RBMS3: variants seen among roughly 807,000 people sequenced by gnomAD.
RBMS3 encodes the protein RNA binding motif single stranded interacting protein 3.
A neutral mutation model predicts 66.8 loss-of-function variants in RBMS3; 27 were observed. The ratio of observed to expected loss-of-function variants is 0.40; its 90% CI spans 0.30 to 0.56. The LOEUF (loss-of-function observed/expected upper bound fraction) is 0.56, where lower values mean the gene tolerates loss of function less well. Among genes scored for constraint, RBMS3 ranks in the 20% least tolerant of loss-of-function variants. The probability of loss-of-function intolerance (pLI) is 0.40; values close to 1 mark genes in which losing one functional copy is unlikely to be tolerated. For missense variants in RBMS3, 513 were observed against 549.5 expected, an observed-to-expected ratio of 0.93 and a Z score of 0.66; for synonymous variants, 188 against 183.0, an observed-to-expected ratio of 1.03 and a Z score of -0.22.
At chr3:29,820,188 C>CAAAAAAAAAAAAAAAAAAAAAAA (rs71091078) in intron 6 of RBMS3, among the ~76,000 whole-genome samples, 4 of 69,828 alleles carry the variant, frequency 5.7e-5, no homozygotes, top group Non-Finnish European at 7.6e-5. Context: ...GACTTCTTCT[C>CAAAAAAAAAAAAAAAAAAAAAAA]AAAAAAAAAA....
At chr3:29,641,281 C>G (rs956125676) in intron 4 of RBMS3, 7 of 151,914 alleles carry the variant, frequency 4.6e-5, no homozygotes, top group Non-Finnish European at 8.8e-5. Flanking sequence ...CACATGCTTT[C>G]CCATTTGTAA....
intron 4 of RBMS3, among the ~76,000 whole-genome samples, chr3:29,631,762 G>T (rs1279689715): frequency 1.3e-5 from 2 of 151,730 alleles, no homozygotes; most frequent in African/African-American, 2.4e-5. Flanking sequence ...AACCTATTTT[G>T]TTCTGTTTGC....
chr3:29,390,108 A>G (rs4491855), intron 1 of RBMS3, among the ~76,000 whole-genome samples: 25,595 of 152,056 alleles, frequency 0.17, 2,281 homozygotes, highest in South Asian at 0.22. Context: ...GAAAAACATC[A>G]AGTTTTGATT....
chr3:29,739,805 C>A lies in RBMS3; in HGVS notation c.485C>A (p.Pro162His), dbSNP rs370392362. Residue 162 changes from proline (P) to histidine (H), a missense_variant, in exon 5 of 15, where the codon CCC (proline) becomes CAC (histidine). By Grantham distance (77) the Pro-to-His change is moderately conservative. Coordinates refer to ENST00000383767, the MANE Select transcript of RBMS3 (RefSeq NM_001003793.3). The stretch of plus-strand genomic sequence containing the variant: ...CAGGAGCTTGAGAATATGCTGAAAC[C>A]CTTTGGACATGTCATTTCCACAAGA... ...DEQELENMLK[P>H]FGHVISTRIL... 1.5e-5 allele frequency: 25 copies of A among 1,613,210 alleles called. No individual in the cohort carries two copies. Among genetic ancestry groups the A allele is most frequent in the Non-Finnish European group, 2.0e-5 (24 of 1,179,570 alleles).
intron 1 of RBMS3, among the ~76,000 whole-genome samples, chr3:29,356,162 C>G (rs2037210968): frequency 6.6e-6 from 1 of 152,122 alleles, no homozygotes; most frequent in Non-Finnish European, 1.5e-5. Flanking sequence ...AAGTTGAATT[C>G]ACAGGTAAGG....
chr3:29,389,385 C>T (rs551198438), intron 1 of RBMS3, among the ~76,000 whole-genome samples: 170 of 152,268 alleles, frequency 1.1e-3, no homozygotes, highest in Non-Finnish European at 1.2e-4. Context: ...CTTGGCTTCT[C>T]TTGGTTTGCT....
chr3:29,668,034 T>G (rs2050837012), intron 4 of RBMS3, among the ~76,000 whole-genome samples: 1 of 152,220 alleles, frequency 6.6e-6, no homozygotes, highest in African/African-American at 2.4e-5. Context: ...TCAATTTCTT[T>G]CATGTCATTC....
In RBMS3 at chr3:29,379,596, C is replaced by G. The variant is rs375406684; in HGVS notation, c.76-55147C>G. On this transcript the variant is annotated intron_variant, in intron 1 of 14. Coordinates refer to ENST00000383767, the MANE Select transcript of RBMS3 (RefSeq NM_001003793.3). Reference sequence around the variant, plus strand: ...ACTATCAGATGTCATGAGACTTACTCACTATCATGAGAGCAGCACGGGAAA... The same window carrying G: ...ACTATCAGATGTCATGAGACTTACTGACTATCATGAGAGCAGCACGGGAAA... Among the ~76,000 whole-genome samples the G allele has an allele frequency of 3.9e-4, 59 of 152,284 alleles. No individual in the cohort carries two copies. In the South Asian group the frequency reaches 8.7e-3, roughly 22 times the overall value.
intron 7 of RBMS3, among the ~76,000 whole-genome samples, chr3:29,871,221 C>T (rs1002648124): frequency 6.6e-6 from 1 of 152,096 alleles, no homozygotes; most frequent in Non-Finnish European, 1.5e-5. Context: ...AATTGGTTCT[C>T]TTAGACTAAG....
At position 29,570,211 on chromosome 3, in the gene RBMS3, GTATA is replaced by G. The variant is rs202049161; in HGVS notation, c.308-16897_308-16894del. Among the ~76,000 whole-genome samples, 129 of 151,996 alleles carry G rather than the reference GTATA, an allele frequency of 8.5e-4. 1 individual carries two copies. Among genetic ancestry groups the G allele is most frequent in the Admixed American group, 8.3e-3 (127 of 15,254 alleles). ...TTTAATTTTTGTGAGTACATAGTAT[GTATA>G]TATATTTATGAGGTATAGGAGATAT... On this transcript the variant is annotated intron_variant, in intron 3 of 14. Coordinates refer to ENST00000383767, the MANE Select transcript of RBMS3 (RefSeq NM_001003793.3).
intron 1 of RBMS3, among the ~76,000 whole-genome samples, chr3:29,421,879 C>A (rs986852115): frequency 1.3e-5 from 2 of 152,090 alleles, no homozygotes; most frequent in East Asian, 3.9e-4. Flanking sequence ...ATCACACAAG[C>A]CAGAGTTGGC....
At chr3:29,734,969 T>C (rs1446583371) in intron 4 of RBMS3, among the ~76,000 whole-genome samples, 1 of 139,780 alleles carries the variant, frequency 7.2e-6, no homozygotes, top group African/African-American at 3.4e-5. Context: ...AACTTCATGC[T>C]AGTACTGTAG....
chr3:29,774,513 A>C (rs2056349953), intron 6 of RBMS3, among the ~76,000 whole-genome samples: 1 of 152,124 alleles, frequency 6.6e-6, no homozygotes, highest in African/African-American at 2.4e-5. Context: ...CTGAAGAAAA[A>C]TATTGAAACT....
At chr3:29,623,168 AC>A (rs199687838) in intron 4 of RBMS3, among the ~76,000 whole-genome samples, 4,710 of 87,656 alleles carry the variant, frequency 0.054, 323 homozygotes, top group African/African-American at 0.19. Flanking sequence ...GATTAAATTA[AC>A]TTGGGGGGGG....
intron 9 of RBMS3, among the ~76,000 whole-genome samples, chr3:29,897,974 G>C (rs1043290690): frequency 1.3e-5 from 2 of 151,572 alleles, no homozygotes; most frequent in African/African-American, 4.8e-5. Context: ...AAAGTTGTTC[G>C]TATTCCCTGC....
intron 10 of RBMS3, among the ~76,000 whole-genome samples, chr3:29,934,675 T>C (rs2149686171): frequency 6.6e-6 from 1 of 152,248 alleles, no homozygotes; most frequent in Non-Finnish European, 1.5e-5. Context: ...ACCTTTAAAA[T>C]AACAGACATG....
chr3:29,514,818 A>T (rs998130356), intron 3 of RBMS3, among the ~76,000 whole-genome samples: 8 of 151,308 alleles, frequency 5.3e-5, no homozygotes, highest in Admixed American at 4.6e-4. Context: ...TATGATAGGC[A>T]TATATATAAT....
At chr3:29,535,747 T>G (rs910252173) in intron 3 of RBMS3, among the ~76,000 whole-genome samples, 1 of 126,910 alleles carries the variant, frequency 7.9e-6, no homozygotes, top group South Asian at 2.7e-4. Context: ...TTTTTGCTGG[T>G]AAATAGCAGT....
At chr3:29,312,506 TAGTA>T (rs1448633158) in intron 1 of RBMS3, among the ~76,000 whole-genome samples, 1 of 151,758 alleles carries the variant, frequency 6.6e-6, no homozygotes, top group African/African-American at 2.4e-5. Context: ...GTGGTAGAAT[TAGTA>T]AGTGACCACA....
Sources: allele counts gnomAD v4.1 joint callset (sites outside exome capture counted in the v4.1 genomes callset), GRCh38; gene constraint gnomAD v4.1.1; transcripts MANE v1.5; gene names NCBI Gene and HGNC (gene_info 2026-07-23, HGNC 2026-07-21).